Variants in PTPRN2 observed in about 807,000 individuals in gnomAD.
PTPRN2 encodes receptor-type tyrosine-protein phosphatase N2.
PTPRN2 carries 74 observed loss-of-function variants against 118.8 expected under a neutral mutation model. That is an observed-to-expected ratio of 0.62 (90% CI 0.52 to 0.76). The LOEUF (loss-of-function observed/expected upper bound fraction) is 0.76, where lower values mean the gene tolerates loss of function less well. Ranked by LOEUF, PTPRN2 falls within the 30% of genes least tolerant of loss-of-function variation. PTPRN2 has a pLI of 0.00. For missense variants in PTPRN2, 1,481 were observed against 1,394.4 expected (o/e 1.06, Z -0.99); for synonymous variants, 641 against 608.0 (o/e 1.05, Z -0.80).
rs1426219539 is a variant in PTPRN2, at chr7:157,583,125, A to C, written c.2497-4985T>G. Among the ~76,000 whole-genome samples the C allele has an allele frequency of 6.6e-6, 1 of 152,166 alleles. No homozygotes were observed. Among genetic ancestry groups the C allele is most frequent in the Non-Finnish European group, 1.5e-5 (1 of 68,026 alleles). ...AGAAAATGTGGTATATACACAATGA[A>C]ATATTATTCAGCCTTAAGAAAGAAT... On this transcript the variant is annotated intron_variant, in intron 17 of 22. Coordinates refer to ENST00000389418, the MANE Select transcript of PTPRN2 (RefSeq NM_002847.5). This position sits in a 1 kb window ranked among gnomAD's most constrained non-coding sequence, Gnocchi z 5.5.
intron 11 of PTPRN2, among the ~76,000 whole-genome samples, chr7:157,934,240 T>C (rs1799570496): frequency 6.6e-6 from 1 of 152,254 alleles, no homozygotes; most frequent in Non-Finnish European, 1.5e-5. Context: ...GTGAGAGCTA[T>C]TCTGTGGTTC....
In PTPRN2 at chr7:157,554,023, G is replaced by A. The variant is rs574798491; in HGVS notation, c.2903-5004C>T. ...GCCCTCCTGGGCATGGGTGCGGCCAGGCCGGGCGCCGGATCCTGCCCGCTC... is the reference window on the plus strand; with the variant it reads ...GCCCTCCTGGGCATGGGTGCGGCCAAGCCGGGCGCCGGATCCTGCCCGCTC... On this transcript the variant is annotated intron_variant, in intron 21 of 22. Transcript: ENST00000389418. Among the ~76,000 whole-genome samples the A allele has an allele frequency of 5.9e-3, 749 of 127,446 alleles. 31 individuals are homozygous for A. Among genetic ancestry groups the A allele is most frequent in the African/African-American group, 0.022 (720 of 32,312 alleles). 83.6% of individuals were successfully genotyped at this position (127,446 alleles called of 152,430 possible).
chr7:157,543,355 G>A (rs779875522), intron 22 of PTPRN2, among the ~76,000 whole-genome samples: 1 of 152,268 alleles, frequency 6.6e-6, no homozygotes, highest in Non-Finnish European at 1.5e-5. Context: ...AACTGCACCC[G>A]GTGGAGAAGT....
intron 2 of PTPRN2, among the ~76,000 whole-genome samples, chr7:158,400,904 T>A (rs971749116): frequency 1.7e-4 from 26 of 149,498 alleles, no homozygotes; most frequent in Middle Eastern, 3.4e-3. Context: ...ACCCCCCGCA[T>A]TCCCCCAGAT....
chr7:158,520,112 A>G lies in PTPRN2; in HGVS notation c.113-30327T>C, dbSNP rs540424545. 2.6e-5 allele frequency among the ~76,000 whole-genome samples: 4 copies of G among 152,236 alleles called. No homozygotes were observed. In the South Asian group the frequency reaches 8.3e-4, roughly 31 times the overall value. On this transcript the variant is annotated intron_variant, in intron 1 of 22. Transcript: ENST00000389418. ...TCATTTCTTTTAACAAAACAACGGC[A>G]ATGCCAAGAAAGGAAAGCATTTTCT...
chr7:157,637,925 G>C (rs373323140), intron 14 of PTPRN2, among the ~76,000 whole-genome samples: 1 of 152,236 alleles, frequency 6.6e-6, no homozygotes, highest in Non-Finnish European at 1.5e-5. Flanking sequence ...AGGTTACTTA[G>C]GACAGTGATG....
chr7:158,306,938 C>A (rs1447523482), intron 3 of PTPRN2, among the ~76,000 whole-genome samples: 3 of 146,290 alleles, frequency 2.1e-5, no homozygotes, highest in African/African-American at 7.7e-5. Context: ...GTGATCCCAG[C>A]CTACTGCAAC....
chr7:158,504,967 G>T (rs963084691), intron 1 of PTPRN2, among the ~76,000 whole-genome samples: 1 of 152,138 alleles, frequency 6.6e-6, no homozygotes, highest in Non-Finnish European at 1.5e-5. Context: ...TTGCCAAATT[G>T]CCCTGTCACC....
intron 6 of PTPRN2, among the ~76,000 whole-genome samples, chr7:158,162,720 A>C (rs1308012926): frequency 1.3e-5 from 2 of 152,060 alleles, no homozygotes; most frequent in East Asian, 3.9e-4. Flanking sequence ...AGCTCTTTGA[A>C]AGGAGACCAG....
chr7:158,201,534 A>G (rs973843687), intron 4 of PTPRN2, among the ~76,000 whole-genome samples: 1 of 152,188 alleles, frequency 6.6e-6, no homozygotes, highest in African/African-American at 2.4e-5. Flanking sequence ...CACATTCTAT[A>G]GGGATCTACT....
chr7:157,898,512 C>T (rs1411276447), intron 12 of PTPRN2, among the ~76,000 whole-genome samples, 161 bp downstream of exon 12: 1 of 152,172 alleles, frequency 6.6e-6, no homozygotes. Context: ...CACCGTTTCC[C>T]ACCCGCAGAG....
At chr7:158,311,494 G>A (rs983560497) in intron 3 of PTPRN2, among the ~76,000 whole-genome samples, 1 of 152,204 alleles carries the variant, frequency 6.6e-6, no homozygotes, top group Non-Finnish European at 1.5e-5. Context: ...AGAGCAGTGT[G>A]TCTGCCCATG....
At chr7:158,151,647 C>T (rs1426801208) in intron 6 of PTPRN2, among the ~76,000 whole-genome samples, 1 of 152,064 alleles carries the variant, frequency 6.6e-6, no homozygotes, top group Non-Finnish European at 1.5e-5. Context: ...TGAAATACTC[C>T]CCCGCCCCCT....
At chr7:157,911,025 T>G (rs1181315799) in intron 11 of PTPRN2, among the ~76,000 whole-genome samples, 2 of 152,232 alleles carry the variant, frequency 1.3e-5, no homozygotes, top group Non-Finnish European at 2.9e-5. Context: ...GGGGTGCCCT[T>G]GCCTGTGCCT....
chr7:158,424,832 G>A (rs1473452898), intron 2 of PTPRN2, among the ~76,000 whole-genome samples: 1 of 151,956 alleles, frequency 6.6e-6, no homozygotes, highest in Non-Finnish European at 1.5e-5. Flanking sequence ...CGGGGACCTC[G>A]GGGCCCAGGG....
chr7:158,494,476 G>A (rs1821685959), intron 1 of PTPRN2, among the ~76,000 whole-genome samples: 1 of 152,248 alleles, frequency 6.6e-6, no homozygotes, highest in African/African-American at 2.4e-5. Context: ...GCATCCCACA[G>A]CAGGAACCAA....
intron 2 of PTPRN2, among the ~76,000 whole-genome samples, chr7:158,399,716 G>T (rs1812788826): frequency 6.6e-6 from 1 of 152,010 alleles, no homozygotes; most frequent in Non-Finnish European, 1.5e-5. Context: ...GAGGGGAGAG[G>T]AGGAAATTTT....
chr7:157,953,823 A>AT lies in PTPRN2; in HGVS notation c.1724-55087dup, dbSNP rs1177867676. The stretch of plus-strand genomic sequence containing the variant: ...GGGCGACCGAGAAAGGAATGAGGGC[A>AT]TAAGAGCGGTGCTGGAGAAATGTAA... On this transcript the variant is annotated intron_variant, in intron 11 of 22. Transcript: ENST00000389418. The surrounding 1 kb of genome is among the most constrained non-coding windows in gnomAD (Gnocchi z 4.6). 6.6e-6 allele frequency among the ~76,000 whole-genome samples: 1 copy of AT among 152,180 alleles called. No individual in the cohort carries two copies. The highest frequency in any genetic ancestry group is 2.4e-5 in the African/African-American group (1 of 41,440).
intron 2 of PTPRN2, among the ~76,000 whole-genome samples, chr7:158,398,920 T>A (rs1812735834): frequency 6.6e-6 from 1 of 152,272 alleles, no homozygotes; most frequent in South Asian, 2.1e-4. Flanking sequence ...TGTGACTTTG[T>A]AAATGCTATC....
Sources: gnomAD v4.1 joint callset for allele counts (sites outside exome capture counted in the v4.1 genomes callset) on GRCh38, gnomAD v4.1.1 for gene constraint, Gnocchi (gnomAD v3.1) non-coding constraint, MANE v1.5 for transcripts, NCBI Gene and HGNC (gene_info 2026-07-23, HGNC 2026-07-21) for gene names.